Variants in ZFHX3 observed in about 807,000 individuals in gnomAD.
ZFHX3 encodes zinc finger homeobox protein 3.
ZFHX3 carries 42 observed loss-of-function variants against 279.1 expected under a neutral mutation model. The observed-to-expected ratio is 0.15, with a 90% CI of 0.12 to 0.19. The LOEUF (loss-of-function observed/expected upper bound fraction) is 0.19. Ranked by LOEUF, ZFHX3 falls within the 10% of genes least tolerant of loss-of-function variation. The pLI, the probability that ZFHX3 is intolerant of heterozygous loss-of-function variation, is 1.00. For missense variants in ZFHX3, 4,981 were observed against 4,754.0 expected (o/e 1.05, Z -1.40); for synonymous variants, 2,293 against 1,957.8 (o/e 1.17, Z -4.52).
intron 7 of ZFHX3, among the ~76,000 whole-genome samples, chr16:73,109,120 A>C (rs1346871721): frequency 6.6e-6 from 1 of 152,212 alleles, no homozygotes; most frequent in Non-Finnish European, 1.5e-5. Context: ...GCAGGACTAG[A>C]GGAATTTCTA....
intron 5 of ZFHX3, among the ~76,000 whole-genome samples, chr16:72,815,392 A>T (rs997291595): frequency 4.7e-5 from 7 of 147,600 alleles, no homozygotes; most frequent in Non-Finnish European, 7.4e-5. Flanking sequence ...TGGGTGACAG[A>T]GTGAGACTGT....
At chr16:73,446,320 T>G (rs1230748646) in intron 3 of ZFHX3, among the ~76,000 whole-genome samples, 1 of 152,144 alleles carries the variant, frequency 6.6e-6, no homozygotes, top group East Asian at 1.9e-4. Flanking sequence ...TCCTCAGGGC[T>G]GGGGAGGCCT....
intron 1 of ZFHX3, among the ~76,000 whole-genome samples, chr16:72,961,675 C>T (rs1464661003): frequency 6.6e-6 from 1 of 151,426 alleles, no homozygotes; most frequent in African/African-American, 2.4e-5. Flanking sequence ...AATGAGACAA[C>T]AGCTCCCCCT....
intron 1 of ZFHX3, among the ~76,000 whole-genome samples, chr16:72,995,578 T>C (rs1012372038): frequency 6.6e-6 from 1 of 152,122 alleles, no homozygotes; most frequent in Non-Finnish European, 1.5e-5. Flanking sequence ...CAAATTCCCC[T>C]AATATGAAAC....
At chr16:73,391,052 A>G (rs2143397601) in intron 3 of ZFHX3, among the ~76,000 whole-genome samples, 1 of 152,180 alleles carries the variant, frequency 6.6e-6, no homozygotes, top group Non-Finnish European at 1.5e-5. Context: ...CAGGGCCTGT[A>G]AAAGTGCTTT....
chr16:73,234,797 G>A (rs2012890492), intron 5 of ZFHX3, among the ~76,000 whole-genome samples: 1 of 152,196 alleles, frequency 6.6e-6, no homozygotes, highest in Non-Finnish European at 1.5e-5. Flanking sequence ...CCTTGTTGGG[G>A]TAGGAAGTGT....
intron 5 of ZFHX3, among the ~76,000 whole-genome samples, chr16:73,228,376 A>T (rs1484506210): frequency 6.6e-6 from 1 of 152,202 alleles, no homozygotes; most frequent in African/African-American, 2.4e-5. Context: ...TTTAAAAGAA[A>T]CCAAGGCCAG....
intron 2 of ZFHX3, among the ~76,000 whole-genome samples, chr16:73,557,463 G>A (rs1021264800): frequency 9.9e-5 from 15 of 152,162 alleles, no homozygotes; most frequent in African/African-American, 2.7e-4. Flanking sequence ...TGGCTGCTCC[G>A]TAGACAGAGC....
chr16:73,589,255 G>T (rs2051963961), intron 2 of ZFHX3, among the ~76,000 whole-genome samples: 1 of 63,338 alleles, frequency 1.6e-5, no homozygotes, highest in Non-Finnish European at 2.7e-5. Flanking sequence ...GCAAGATTCT[G>T]TCTCAAAAAA....
At chr16:73,165,445 C>G (rs1487894726) in intron 5 of ZFHX3, among the ~76,000 whole-genome samples, 2 of 152,192 alleles carry the variant, frequency 1.3e-5, no homozygotes, top group Admixed American at 6.5e-5. Flanking sequence ...GCCTGGGCCC[C>G]GCCTGTGGCA....
chr16:73,603,860 C>T (rs1048856596), intron 2 of ZFHX3, among the ~76,000 whole-genome samples: 1 of 145,656 alleles, frequency 6.9e-6, no homozygotes, highest in African/African-American at 2.6e-5. Context: ...CTCACTGCAA[C>T]CTCTGCCTCC....
chr16:73,813,184 C>G (rs1375492083), intron 1 of ZFHX3, among the ~76,000 whole-genome samples: 4 of 152,098 alleles, frequency 2.6e-5, no homozygotes. Context: ...TCTGTCTTCT[C>G]TCTCCTCATC....
At chr16:73,022,808 G>A (rs74881805) in intron 1 of ZFHX3, among the ~76,000 whole-genome samples, 3,424 of 152,182 alleles carry the variant, frequency 0.022, 65 homozygotes, top group East Asian at 0.11. Context: ...CCTTCCACAA[G>A]GGGCAGTCAC....
At chr16:73,321,580 A>C (rs571187313) in intron 3 of ZFHX3, among the ~76,000 whole-genome samples, 1 of 152,228 alleles carries the variant, frequency 6.6e-6, no homozygotes, top group East Asian at 1.9e-4. Context: ...GCTCCCGAAC[A>C]ACAGGTCAAC....
At chr16:73,130,879 A>T (rs1448392244) in intron 7 of ZFHX3, 2 of 1,134,574 alleles carry the variant, frequency 1.8e-6, no homozygotes, top group African/African-American at 1.6e-5. Context: ...AAGTGCTGGG[A>T]TCACAGGGGT....
chr16:73,220,807 C>G (rs2012390223), intron 5 of ZFHX3, among the ~76,000 whole-genome samples: 1 of 151,936 alleles, frequency 6.6e-6, no homozygotes, highest in Non-Finnish European at 1.5e-5. Context: ...TAAAGTTTGT[C>G]TTCCAATAAC....
intron 4 of ZFHX3, among the ~76,000 whole-genome samples, chr16:73,312,059 C>T (rs1038588869): frequency 4.6e-5 from 7 of 152,102 alleles, no homozygotes; most frequent in South Asian, 2.1e-4. Context: ...TGGTGTGTGA[C>T]GTATTTTAAG....
chr16:73,710,991 C>T (rs556199979), intron 1 of ZFHX3, among the ~76,000 whole-genome samples: 1 of 152,178 alleles, frequency 6.6e-6, no homozygotes, highest in Non-Finnish European at 1.5e-5. Flanking sequence ...TACTGCACAG[C>T]CTGGTCATTA....
chr16:73,537,679 G>A (rs2019930090), intron 2 of ZFHX3, among the ~76,000 whole-genome samples: 1 of 152,220 alleles, frequency 6.6e-6, no homozygotes, highest in African/African-American at 2.4e-5. Context: ...GGCGAAGCCT[G>A]AGGATCCAAA....
Sources: allele counts gnomAD v4.1 joint callset (sites outside exome capture counted in the v4.1 genomes callset), GRCh38; gene constraint gnomAD v4.1.1; transcripts MANE v1.5; gene names NCBI Gene and HGNC (gene_info 2026-07-23, HGNC 2026-07-21).